STEAP1: variants seen among roughly 807,000 people sequenced by gnomAD.
The protein encoded by STEAP1 is STEAP1 protein.
A neutral mutation model predicts 34.4 loss-of-function variants in STEAP1; 30 were observed. The observed-to-expected ratio is 0.87, with a 90% CI of 0.65 to 1.18. STEAP1 has a LOEUF of 1.18. STEAP1 is among the 50% of genes most tolerant of loss of function. The pLI is 0.00. For synonymous variants in STEAP1, 116 were observed against 135.3 expected (o/e 0.86, Z 0.99); for missense variants, 318 against 391.1 (o/e 0.81, Z 1.58).
At position 90,158,126 on chromosome 7, in the gene STEAP1, C is replaced by T. The variant is rs17869744; in HGVS notation, c.-31-1632C>T. Among the ~76,000 whole-genome samples the T allele has an allele frequency of 2.1e-3, 319 of 152,212 alleles. 7 individuals carry two copies. In the East Asian group the frequency reaches 0.05, roughly 24 times the overall value. ...TAAAAAATTGTATATTTGTACAGGA[C>T]GCTTACTATGAATAGAACTTGCAGA... On this transcript the variant is annotated intron_variant, in intron 1 of 4. Transcript: ENST00000297205.
chr7:90,154,743 G>T (rs1794098609), intron 1 of STEAP1, among the ~76,000 whole-genome samples, 200 bp downstream of exon 1: 1 of 152,142 alleles, frequency 6.6e-6, no homozygotes, highest in South Asian at 2.1e-4. Flanking sequence ...CTGCCTTCCA[G>T]CCCAGCTGGG....
At chr7:90,154,740 C>T (rs562330270) in intron 1 of STEAP1, among the ~76,000 whole-genome samples, 197 bp downstream of exon 1, 307 of 152,284 alleles carry the variant, frequency 2.0e-3, no homozygotes, top group Non-Finnish European at 3.2e-3. Flanking sequence ...GCGCTGCCTT[C>T]CAGCCCAGCT....
chr7:90,162,978 TC>T, intron 4 of STEAP1: 1 of 394,966 alleles, frequency 2.5e-6, no homozygotes, highest in South Asian at 1.9e-5. Flanking sequence ...TGGTAGATTA[TC>T]CATAAGAAGA....
rs1374672927 is a variant in STEAP1, at chr7:90,164,719, A to G, written c.1005A>G (p.Ile335Met). The change falls in exon 5 of 5, where the codon ATA becomes ATG. Residue 335 changes from isoleucine to methionine, a missense_variant. By Grantham distance (10) the Ile-to-Met change is conservative. Coordinates refer to ENST00000297205, the MANE Select transcript of STEAP1 (RefSeq NM_012449.3). ...TCACCAAAATTAACAAAACTGAGAT[A>G]TGTTCCCAGTTGTAGAATTACTGTT... The part of the protein sequence containing the change: ...EDVTKINKTE[I>M]CSQL The G allele has an allele frequency of 1.2e-6, 2 of 1,611,878 alleles. No individual in the cohort carries two copies. Among genetic ancestry groups the G allele is most frequent in the Non-Finnish European group, 1.7e-6 (2 of 1,179,278 alleles).
At chr7:90,159,667 T>C in intron 1 of STEAP1, 91 bp from the exon 2 acceptor site, 1 of 604,156 alleles carries the variant, frequency 1.7e-6, no homozygotes, top group South Asian at 4.1e-5. Flanking sequence ...GCCATTCTAG[T>C]CTTTAAGTAA....
chr7:90,157,359 A>G (rs1468224438), intron 1 of STEAP1, among the ~76,000 whole-genome samples: 3 of 152,224 alleles, frequency 2.0e-5, no homozygotes, highest in Non-Finnish European at 4.4e-5. Flanking sequence ...GCATGGAGAA[A>G]AAAGCATGGC....
Position 90,161,913 on chromosome 7 carries a change from G to C in STEAP1, c.598-1G>C. On this transcript the variant is annotated splice_acceptor_variant, in intron 3 of 4. Transcript: ENST00000297205. LOFTEE classifies it high-confidence loss of function. Reference sequence around the variant, plus strand: ...TTCTTTCTTTATTTACCTTCTGGTAGGTCCAACAAAATAAAGAAGATGCCT... The same window carrying C: ...TTCTTTCTTTATTTACCTTCTGGTACGTCCAACAAAATAAAGAAGATGCCT... 6.3e-7 allele frequency: 1 copy of C among 1,589,594 alleles called. No individual in the cohort carries two copies. Among genetic ancestry groups the C allele is most frequent in the Non-Finnish European group, 8.5e-7 (1 of 1,172,382 alleles).
intron 1 of STEAP1, among the ~76,000 whole-genome samples, chr7:90,159,228 C>T (rs1794151619): frequency 6.6e-6 from 1 of 152,306 alleles, no homozygotes; most frequent in South Asian, 2.1e-4. Context: ...TGGAAACATA[C>T]TAGCAATTCA....
intron 1 of STEAP1, among the ~76,000 whole-genome samples, chr7:90,157,648 T>C (rs1794133003): frequency 6.6e-6 from 1 of 152,176 alleles, no homozygotes; most frequent in Non-Finnish European, 1.5e-5. Context: ...CAGAAAAGAA[T>C]GTGGGCAAAC....
chr7:90,162,821 A>G (rs1201471351), intron 4 of STEAP1, among the ~76,000 whole-genome samples: 1 of 152,188 alleles, frequency 6.6e-6, no homozygotes, highest in Non-Finnish European at 1.5e-5. Flanking sequence ...TTGAAATAAT[A>G]GAGTTTTTAT....
chr7:90,160,030 G>A (rs1794163577), intron 2 of STEAP1, among the ~76,000 whole-genome samples, 158 bp downstream of exon 2: 1 of 152,180 alleles, frequency 6.6e-6, no homozygotes, highest in Non-Finnish European at 1.5e-5. Context: ...GAAGGACAGA[G>A]TAGCATATGT....
At chr7:90,154,806 C>T (rs1173630833) in intron 1 of STEAP1, among the ~76,000 whole-genome samples, 1 of 152,194 alleles carries the variant, frequency 6.6e-6, no homozygotes, top group Non-Finnish European at 1.5e-5. Flanking sequence ...GAAGCCTTTT[C>T]GCTAGGGGCT....
At chr7:90,161,399 T>C in intron 3 of STEAP1, 82 bp downstream of exon 3, 2 of 1,436,746 alleles carry the variant, frequency 1.4e-6, no homozygotes, top group Non-Finnish European at 1.9e-6. Flanking sequence ...GTAATATCAA[T>C]ACCCCAACCC....
intron 4 of STEAP1, 136 bp downstream of exon 4, chr7:90,162,214 A>G (rs1446832187): frequency 1.5e-6 from 2 of 1,325,352 alleles, no homozygotes; most frequent in African/African-American, 1.5e-5. Flanking sequence ...CCAATTAATA[A>G]TGTGCTCTCC....
chr7:90,159,819 G>T lies in STEAP1; in HGVS notation c.31G>T (p.Glu11Ter). Reference sequence around the variant, plus strand: ...AAGCAGAAAAGACATCACAAACCAAGAAGAACTTTGGAAAATGAAGCCTAG... The same window carrying T: ...AAGCAGAAAAGACATCACAAACCAATAAGAACTTTGGAAAATGAAGCCTAG... Reference protein sequence around the residue: MESRKDITNQEELWKMKPRRN... With the variant: MESRKDITNQ Residue 11 changes from glutamate (E) to a stop codon, truncating the protein, a stop_gained, in exon 2 of 5, where the codon GAA (glutamate) becomes TAA (stop). Coordinates refer to ENST00000297205, the MANE Select transcript of STEAP1 (RefSeq NM_012449.3). LOFTEE classifies it high-confidence loss of function. 1 of 1,566,114 alleles carries T rather than the reference G, an allele frequency of 6.4e-7. No individual in the cohort carries two copies. The highest frequency in any genetic ancestry group is 1.2e-5 in the South Asian group (1 of 80,332).
intron 1 of STEAP1, among the ~76,000 whole-genome samples, chr7:90,157,270 T>C (rs1794129002): frequency 1.3e-5 from 2 of 152,216 alleles, no homozygotes; most frequent in Admixed American, 1.3e-4. Flanking sequence ...GCCAGGACTC[T>C]TCTGTGTCTT....
At chr7:90,163,083 G>T in intron 4 of STEAP1, 1 of 373,114 alleles carries the variant, frequency 2.7e-6, no homozygotes, top group Non-Finnish European at 6.1e-6. Flanking sequence ...ACCGTTTATG[G>T]GTAGACATCT....
intron 3 of STEAP1, 72 bp from the exon 4 acceptor site, chr7:90,161,842 T>A: frequency 6.5e-7 from 1 of 1,546,130 alleles, no homozygotes; most frequent in East Asian, 2.3e-5. Flanking sequence ...CAGGGAAGAG[T>A]GTAGAAGGAG....
chr7:90,164,451 TCAC>T (rs770668976), intron 4 of STEAP1, 23 bp from the exon 5 acceptor site: 9 of 1,582,306 alleles, frequency 5.7e-6, no homozygotes, highest in Non-Finnish European at 7.7e-6. Context: ...GAACCAATCT[TCAC>T]CAATTTTGTT....
Sources: allele counts gnomAD v4.1 joint callset (sites outside exome capture counted in the v4.1 genomes callset), GRCh38; gene constraint gnomAD v4.1.1; transcripts MANE v1.5; gene names NCBI Gene and HGNC (gene_info 2026-07-23, HGNC 2026-07-21).